The following MMP26 variants were observed in gnomAD, a reference collection of about 807,000 sequenced individuals.
The protein encoded by MMP26 is matrix metalloproteinase-26.
Under a neutral mutation model 31.0 loss-of-function variants are expected in MMP26, and 33 were observed. The ratio of observed to expected loss-of-function variants is 1.06; its 90% CI spans 0.81 to 1.42. The LOEUF (loss-of-function observed/expected upper bound fraction) is 1.42, where lower values mean the gene tolerates loss of function less well. Among genes scored for constraint, MMP26 ranks in the 40% most tolerant of loss-of-function variants. The probability of loss-of-function intolerance (pLI) is 0.00; values close to 1 mark genes in which losing one functional copy is unlikely to be tolerated. For missense variants in MMP26, 347 were observed against 316.1 expected (o/e 1.10, Z -0.74); for synonymous variants, 122 against 114.9 (o/e 1.06, Z -0.40).
chr11:4,889,154 T>C (rs761850673), intron 2 of MMP26, among the ~76,000 whole-genome samples: 7 of 152,282 alleles, frequency 4.6e-5, no homozygotes, highest in Non-Finnish European at 8.8e-5. Flanking sequence ...GCTTATATGC[T>C]GGACTGACTA....
chr11:4,906,693 C>T (rs1850894874), intron 2 of MMP26, among the ~76,000 whole-genome samples: 1 of 152,166 alleles, frequency 6.6e-6, no homozygotes, highest in Non-Finnish European at 1.5e-5. Flanking sequence ...AACGTGGGTA[C>T]TGCTGAAGAC....
intron 2 of MMP26, among the ~76,000 whole-genome samples, chr11:4,977,320 A>G (rs897991369): frequency 2.0e-5 from 3 of 152,108 alleles, no homozygotes; most frequent in African/African-American, 7.2e-5. Context: ...ATTGTTAGAA[A>G]AGCTATATTT....
At chr11:4,856,239 G>A (rs962212816) in intron 2 of MMP26, among the ~76,000 whole-genome samples, 4 of 152,078 alleles carry the variant, frequency 2.6e-5, no homozygotes, top group Non-Finnish European at 5.9e-5. Flanking sequence ...CTTAAATGTA[G>A]ATGGGCTAAA....
intron 2 of MMP26, among the ~76,000 whole-genome samples, chr11:4,936,920 C>A (rs1846123697): frequency 1.3e-5 from 2 of 152,224 alleles, no homozygotes; most frequent in South Asian, 4.1e-4. Context: ...TAAGTCTGTG[C>A]AAGGTGACCT....
intron 2 of MMP26, among the ~76,000 whole-genome samples, chr11:4,982,098 TAC>T (rs1846822589): frequency 6.6e-6 from 1 of 151,808 alleles, no homozygotes; most frequent in African/African-American, 2.4e-5. Context: ...TATACATACA[TAC>T]ATATATACAA....
chr11:4,790,120 T>C (rs1445899674), intron 2 of MMP26, among the ~76,000 whole-genome samples: 2 of 151,990 alleles, frequency 1.3e-5, no homozygotes, highest in Non-Finnish European at 1.5e-5. Context: ...CGCAGGCCGA[T>C]CACAAGGTCA....
chr11:4,722,728 C>T, intron 1 of MMP26: 1 of 861,700 alleles, frequency 1.2e-6, no homozygotes, highest in Non-Finnish European at 1.9e-6. Flanking sequence ...GGGGCTGCCA[C>T]AGCTGTTCAC....
At chr11:4,896,030 C>T (rs901202119) in intron 2 of MMP26, among the ~76,000 whole-genome samples, 1 of 151,324 alleles carries the variant, frequency 6.6e-6, no homozygotes, top group Non-Finnish European at 1.5e-5. Context: ...GCTTCCTGCA[C>T]TTCCCATTGA....
intron 2 of MMP26, chr11:4,923,525 C>G (rs146006146): frequency 1.2e-6 from 2 of 1,614,030 alleles, no homozygotes; most frequent in South Asian, 2.2e-5. Flanking sequence ...GTGTACAACG[C>G]GGGGCAGATG....
intron 2 of MMP26, among the ~76,000 whole-genome samples, chr11:4,964,903 A>C (rs1229485502): frequency 6.6e-6 from 1 of 152,286 alleles, no homozygotes; most frequent in Non-Finnish European, 1.5e-5. Context: ...AACAACACAC[A>C]CTGGGACCTG....
intron 2 of MMP26, among the ~76,000 whole-genome samples, chr11:4,899,088 G>T (rs1850763977): frequency 6.6e-6 from 1 of 152,104 alleles, no homozygotes; most frequent in African/African-American, 2.4e-5. Flanking sequence ...ACCAACAAGG[G>T]TTATAAACTG....
chr11:4,783,437 A>G (rs1337850404), intron 2 of MMP26, among the ~76,000 whole-genome samples: 2 of 152,144 alleles, frequency 1.3e-5, no homozygotes, highest in Non-Finnish European at 2.9e-5. Flanking sequence ...CTGTACCCCC[A>G]TTGTACCTAG....
intron 1 of MMP26, chr11:4,723,463 T>A: frequency 9.3e-7 from 1 of 1,073,772 alleles, no homozygotes; most frequent in Admixed American, 1.7e-5. Context: ...CACAGATGTG[T>A]CCGAAATCTG....
intron 2 of MMP26, among the ~76,000 whole-genome samples, chr11:4,779,747 G>T (rs1041842857): frequency 6.6e-6 from 1 of 151,960 alleles, no homozygotes; most frequent in Non-Finnish European, 1.5e-5. Context: ...TTGTTTTCAA[G>T]TTGTTCAACA....
chr11:4,724,324 AG>A (rs1466800352), intron 1 of MMP26, among the ~76,000 whole-genome samples: 1 of 152,184 alleles, frequency 6.6e-6, no homozygotes, highest in African/African-American at 2.4e-5. Context: ...GCCTGAAAAC[AG>A]AAGTGGAAGA....
intron 4 of MMP26, 26 bp downstream of exon 4, chr11:4,989,894 T>C (rs1210557582): frequency 1.3e-6 from 2 of 1,572,248 alleles, no homozygotes; most frequent in Non-Finnish European, 1.7e-6. Flanking sequence ...GCCTAGAGGA[T>C]AATGTGTGGG....
Position 4,950,580 on chromosome 11 carries a change from C to T in MMP26, c.-144-37488C>T, listed in dbSNP as rs978947998. On this transcript the variant is annotated intron_variant, in intron 2 of 7. Transcript: ENST00000380390. Reference sequence around the variant, plus strand: ...GGTAAAAAGTTAGAAAGAATAAATTCGATTATTTTATAACAATAGCACAGC... The same window carrying T: ...GGTAAAAAGTTAGAAAGAATAAATTTGATTATTTTATAACAATAGCACAGC... 3.3e-5 allele frequency among the ~76,000 whole-genome samples: 4 copies of T among 120,366 alleles called. 2 individuals carry two copies. The highest frequency in any genetic ancestry group is 7.5e-5 in the Non-Finnish European group (4 of 53,350). 79.0% of individuals were successfully genotyped at this position (120,366 alleles called of 152,430 possible).
At position 4,907,370 on chromosome 11, in the gene MMP26, A is replaced by T. The variant is rs771229625; in HGVS notation, c.-144-80698A>T. The T allele has an allele frequency of 3.7e-6, 6 of 1,601,614 alleles. No homozygotes were observed. In the African/African-American group the frequency reaches 4.0e-5, roughly 11 times the overall value. The stretch of plus-strand genomic sequence containing the variant: ...CTAACGAGCTCATATCTCCCTCATT[A>T]TGTCTGTTCTCAATAACTCCGAAGT... On this transcript the variant is annotated intron_variant, in intron 2 of 7. Transcript: ENST00000380390.
At chr11:4,795,101 T>G (rs1366677667) in intron 2 of MMP26, 1 of 152,336 alleles carries the variant, frequency 6.6e-6, no homozygotes, top group African/African-American at 2.4e-5. Context: ...AGGTTATGTG[T>G]AAGACCACCT....
Sources: gnomAD v4.1 joint callset for allele counts (sites outside exome capture counted in the v4.1 genomes callset) on GRCh38, gnomAD v4.1.1 for gene constraint, MANE v1.5 for transcripts, NCBI Gene and HGNC (gene_info 2026-07-23, HGNC 2026-07-21) for gene names.